MED12L: variants seen among roughly 807,000 people sequenced by gnomAD.
MED12L encodes mediator complex subunit 12L.
A neutral mutation model predicts 281.3 loss-of-function variants in MED12L; 60 were observed. The observed-to-expected ratio is 0.21, with a 90% CI of 0.17 to 0.26. The LOEUF (loss-of-function observed/expected upper bound fraction) is 0.26. MED12L is among the 10% of genes least tolerant of loss of function. The pLI, the probability that MED12L is intolerant of heterozygous loss-of-function variation, is 1.00. For missense variants in MED12L, 2,146 were observed against 2,680.9 expected (o/e 0.80, Z 4.41); for synonymous variants, 974 against 987.2 (o/e 0.99, Z 0.25).
At chr3:151,209,007 A>G (rs1726764714) in intron 16 of MED12L, among the ~76,000 whole-genome samples, 2 of 152,182 alleles carry the variant, frequency 1.3e-5, no homozygotes, top group South Asian at 2.1e-4. Context: ...ACATGATACA[A>G]TATTTAGGAA....
chr3:151,187,039 T>C (rs1377453152), intron 12 of MED12L, among the ~76,000 whole-genome samples: 1 of 152,200 alleles, frequency 6.6e-6, no homozygotes, highest in Non-Finnish European at 1.5e-5. Flanking sequence ...TATAGACATT[T>C]TTCTCTTCCT....
intron 16 of MED12L, among the ~76,000 whole-genome samples, chr3:151,317,808 A>G (rs1269809285): frequency 6.6e-6 from 1 of 152,120 alleles, no homozygotes; most frequent in Admixed American, 6.6e-5. Flanking sequence ...AAAGATTCTG[A>G]TATTTTCTTG....
chr3:151,264,457 G>A (rs1739460906), intron 16 of MED12L, among the ~76,000 whole-genome samples: 5 of 152,264 alleles, frequency 3.3e-5, no homozygotes, highest in Admixed American at 3.3e-4. Context: ...CTTATGGCCT[G>A]TCTCAGAAAT....
intron 20 of MED12L, 47 bp from the exon 21 acceptor site, chr3:151,360,427 C>A: frequency 6.3e-7 from 1 of 1,576,080 alleles, no homozygotes; most frequent in Non-Finnish European, 8.7e-7. Context: ...TGATAACCCA[C>A]ATAGTACAAA....
In MED12L at chr3:151,313,345, G is replaced by A. The variant is rs980928644; in HGVS notation, c.2251-36714G>A. Among the ~76,000 whole-genome samples, 6 of 152,100 alleles carry A rather than the reference G, an allele frequency of 3.9e-5. 1 individual carries two copies. In the East Asian group the frequency reaches 1.2e-3, roughly 29 times the overall value. ...AGTCTATACTATGGTACTAGTATAT[G>A]GTAAATATACAATAAGTCTATATCA... On this transcript the variant is annotated intron_variant, in intron 16 of 44. Transcript: ENST00000687756.
At chr3:151,189,705 T>C (rs1242177564) in intron 13 of MED12L, among the ~76,000 whole-genome samples, 1 of 152,198 alleles carries the variant, frequency 6.6e-6, no homozygotes, top group Non-Finnish European at 1.5e-5. Flanking sequence ...CTTGGATAAA[T>C]GTGTCTCCTA....
intron 36 of MED12L, 81 bp from the exon 37 acceptor site, chr3:151,387,729 G>T: frequency 6.7e-7 from 1 of 1,497,688 alleles, no homozygotes; most frequent in South Asian, 1.4e-5. Context: ...AGTGTTCTCT[G>T]ACTCCATGTC....
In MED12L at chr3:151,108,040, T is replaced by C. The variant is rs115400066; in HGVS notation, c.100-8298T>C. 2.9e-3 allele frequency among the ~76,000 whole-genome samples: 437 copies of C among 152,322 alleles called. 2 individuals carry two copies. Among genetic ancestry groups the C allele is most frequent in the Non-Finnish European group, 3.6e-3 (242 of 68,030 alleles). On this transcript the variant is annotated intron_variant, in intron 2 of 44. Coordinates refer to ENST00000687756, the MANE Select transcript of MED12L (RefSeq NM_001393769.1). Reference sequence around the variant, plus strand: ...GTTATTGAGGGTTTGTAGACAGTTATGCTAGATGCTGCTTTTTCGCTTCTC... The same window carrying C: ...GTTATTGAGGGTTTGTAGACAGTTACGCTAGATGCTGCTTTTTCGCTTCTC...
chr3:151,198,179 C>T (rs1182230166), intron 16 of MED12L: 2 of 323,480 alleles, frequency 6.2e-6, no homozygotes, highest in Non-Finnish European at 1.1e-5. Context: ...CAGGATTTTA[C>T]ATTCGTTCAA....
intron 16 of MED12L, among the ~76,000 whole-genome samples, chr3:151,277,577 G>C (rs1020073888): frequency 5.8e-4 from 88 of 152,194 alleles, no homozygotes; most frequent in Non-Finnish European, 4.9e-4. Context: ...GGATTGCATG[G>C]GCTTGGTTGA....
chr3:151,115,179 G>A (rs1712531667), intron 2 of MED12L, among the ~76,000 whole-genome samples: 1 of 152,088 alleles, frequency 6.6e-6, no homozygotes, highest in Non-Finnish European at 1.5e-5. Context: ...ATCATAAGGC[G>A]TGTGCCTAGG....
chr3:151,159,647 T>C (rs987717102), intron 7 of MED12L, among the ~76,000 whole-genome samples, 185 bp from the exon 8 acceptor site: 1 of 152,244 alleles, frequency 6.6e-6, no homozygotes. Flanking sequence ...TCTTATTTTT[T>C]TCATGGCTCC....
Position 151,137,425 on chromosome 3 carries a change from C to A in MED12L, c.556+9441C>A, listed in dbSNP as rs183661924. Among the ~76,000 whole-genome samples, 426 of 152,168 alleles carry A rather than the reference C, an allele frequency of 2.8e-3. 1 individual carries two copies. Among genetic ancestry groups the A allele is most frequent in the African/African-American group, 9.5e-3 (396 of 41,506 alleles). On this transcript the variant is annotated intron_variant, in intron 5 of 44. Transcript: ENST00000687756. ...CTTGTAATTTTCCTGCCTCAGATCT[C>A]CAAAGAGCCTTTTGTCTAAGGAACT...
chr3:151,431,056 G>T (rs80019641), intron 44 of MED12L, among the ~76,000 whole-genome samples: 1 of 152,106 alleles, frequency 6.6e-6, no homozygotes, highest in Non-Finnish European at 1.5e-5. Flanking sequence ...TCACCCCTGG[G>T]CGGGTGTCAT....
At chr3:151,270,199 G>GTGTGTGTA (rs1740650400) in intron 16 of MED12L, 1 of 130,310 alleles carries the variant, frequency 7.7e-6, no homozygotes, top group Non-Finnish European at 1.7e-5. Flanking sequence ...AAGCTGTCGT[G>GTGTGTGTA]TGTGTGTGTG....
At chr3:151,315,772 G>T (rs1748141668) in intron 16 of MED12L, among the ~76,000 whole-genome samples, 1 of 152,176 alleles carries the variant, frequency 6.6e-6, no homozygotes, top group Admixed American at 6.5e-5. Flanking sequence ...GAACAATTAT[G>T]AAAGAAATCT....
chr3:151,361,428 A>G (rs1289032050), intron 21 of MED12L, among the ~76,000 whole-genome samples: 1 of 68,972 alleles, frequency 1.4e-5, no homozygotes, highest in Non-Finnish European at 2.6e-5. Flanking sequence ...GTTTCCTGGT[A>G]TGAAAAAAAT....
chr3:151,169,256 T>A (rs762114874), intron 11 of MED12L, among the ~76,000 whole-genome samples: 1 of 151,904 alleles, frequency 6.6e-6, no homozygotes, highest in Non-Finnish European at 1.5e-5. Flanking sequence ...TAGCTGGAAT[T>A]ACAGGTGCCC....
At chr3:151,195,422 T>C (rs1724522151) in intron 16 of MED12L, among the ~76,000 whole-genome samples, 1 of 152,186 alleles carries the variant, frequency 6.6e-6, no homozygotes, top group South Asian at 2.1e-4. Flanking sequence ...CCATATTTTT[T>C]TCCTTATTAC....
Sources: allele counts gnomAD v4.1 joint callset (sites outside exome capture counted in the v4.1 genomes callset), GRCh38; gene constraint gnomAD v4.1.1; transcripts MANE v1.5; gene names NCBI Gene and HGNC (gene_info 2026-07-23, HGNC 2026-07-21).